The following ABCC1 variants were observed in gnomAD, a reference collection of about 807,000 sequenced individuals.
ABCC1 encodes ATP binding cassette subfamily C member 1 (ABCC1 blood group).
ABCC1 carries 83 observed loss-of-function variants against 172.9 expected under a neutral mutation model. The observed-to-expected ratio is 0.48, with a 90% CI of 0.40 to 0.58. The LOEUF (loss-of-function observed/expected upper bound fraction) is 0.58, where lower values mean the gene tolerates loss of function less well. Among genes scored for constraint, ABCC1 ranks in the 20% least tolerant of loss-of-function variants. The pLI is 0.00. For missense variants in ABCC1, 1,817 were observed against 2,002.7 expected, an observed-to-expected ratio of 0.91 and a Z score of 1.77; for synonymous variants, 937 against 825.2, an observed-to-expected ratio of 1.14 and a Z score of -2.32.
chr16:15,962,746 A>G (rs544159760), intron 1 of ABCC1, among the ~76,000 whole-genome samples: 1 of 152,300 alleles, frequency 6.6e-6, no homozygotes, highest in South Asian at 2.1e-4. Flanking sequence ...CCATGATCTA[A>G]TCACCTCCAG....
chr16:16,003,948 G>GGGGGT (rs1437364504), intron 1 of ABCC1, among the ~76,000 whole-genome samples: 1 of 150,516 alleles, frequency 6.6e-6, no homozygotes, highest in Non-Finnish European at 1.5e-5. Flanking sequence ...ATTGGTTGGG[G>GGGGGT]GGGGTGGATG....
chr16:16,008,008 G>C lies in ABCC1; in HGVS notation c.225+16G>C. On this transcript the variant is annotated intron_variant, in intron 2 of 30. Coordinates refer to ENST00000399410, the MANE Select transcript of ABCC1 (RefSeq NM_004996.4). ...AACCAAAACTGTAAGTCACTGGGGG[G>C]TTTCGTTGTGGGGGGTGGGAAGGTG... 9.1e-6 allele frequency: 5 copies of C among 547,230 alleles called. No homozygotes were observed. Among genetic ancestry groups the C allele is most frequent in the Non-Finnish European group, 1.6e-5 (5 of 314,694 alleles). 33.9% of individuals were successfully genotyped at this position (547,230 alleles called of 1,614,324 possible).
chr16:16,122,191 T>C lies in ABCC1; in HGVS notation c.3590+17T>C, dbSNP rs965354435. 3 of 1,613,536 alleles carry C rather than the reference T, an allele frequency of 1.9e-6. No individual in the cohort carries two copies. Among genetic ancestry groups the C allele is most frequent in the Admixed American group, 1.7e-5 (1 of 59,988 alleles). On this transcript the variant is annotated intron_variant, in intron 24 of 30. Transcript: ENST00000399410. ...GGCCAACAGGTGGGCATGGTGGGCCTGCAGGAGCGGGTGGAGGAGGCCGCC... is the reference window on the plus strand; with the variant it reads ...GGCCAACAGGTGGGCATGGTGGGCCCGCAGGAGCGGGTGGAGGAGGCCGCC...
intron 7 of ABCC1, among the ~76,000 whole-genome samples, chr16:16,041,565 C>T (rs986351301): frequency 6.6e-6 from 1 of 152,074 alleles, no homozygotes; most frequent in Admixed American, 6.6e-5. Context: ...CACCTGTAAC[C>T]CCTGTGAACC....
intron 29 of ABCC1, among the ~76,000 whole-genome samples, chr16:16,137,709 T>C (rs907797910): frequency 6.6e-6 from 1 of 151,864 alleles, no homozygotes; most frequent in Non-Finnish European, 1.5e-5. Context: ...CCTGTCACCA[T>C]GCCCAGTTAA....
At chr16:16,119,248 C>G (rs2045044877) in intron 23 of ABCC1, among the ~76,000 whole-genome samples, 2 of 152,102 alleles carry the variant, frequency 1.3e-5, no homozygotes, top group Admixed American at 1.3e-4. Flanking sequence ...CGAGACCAGC[C>G]TGAGCAACAT....
chr16:15,998,009 A>G (rs187759064), intron 1 of ABCC1, among the ~76,000 whole-genome samples: 12 of 150,678 alleles, frequency 8.0e-5, no homozygotes, highest in African/African-American at 2.4e-4. Flanking sequence ...TTCAGTAGAG[A>G]TGGGGTTTCA....
At chr16:16,044,760 G>C in intron 8 of ABCC1, 80 bp downstream of exon 8, 1 of 1,346,936 alleles carries the variant, frequency 7.4e-7, no homozygotes, top group Non-Finnish European at 1.1e-6. Flanking sequence ...CATAACCCTG[G>C]GGTCATGCTG....
At chr16:16,052,953 T>C in intron 11 of ABCC1, 137 bp downstream of exon 11, 1 of 732,766 alleles carries the variant, frequency 1.4e-6, no homozygotes, top group Non-Finnish European at 2.3e-6. Context: ...TTGGGGAGCC[T>C]TAACAAATGC....
intron 16 of ABCC1, 131 bp downstream of exon 16, chr16:16,079,609 T>C: frequency 8.7e-7 from 1 of 1,153,458 alleles, no homozygotes; most frequent in Non-Finnish European, 1.2e-6. Context: ...TTCCTCCTCC[T>C]CCTGTATCTT....
chr16:15,995,820 A>C (rs1281264968), intron 1 of ABCC1, among the ~76,000 whole-genome samples: 1 of 151,922 alleles, frequency 6.6e-6, no homozygotes, highest in African/African-American at 2.4e-5. Flanking sequence ...GGCAAACGTC[A>C]TCACATCTGG....
chr16:15,959,397 C>G (rs1369258314), intron 1 of ABCC1, among the ~76,000 whole-genome samples: 2 of 152,180 alleles, frequency 1.3e-5, no homozygotes. Flanking sequence ...ACAATCATAG[C>G]TCACTGCAGC....
intron 17 of ABCC1, among the ~76,000 whole-genome samples, chr16:16,084,730 C>T (rs1478651898): frequency 6.6e-6 from 1 of 151,492 alleles, no homozygotes; most frequent in Non-Finnish European, 1.5e-5. Flanking sequence ...AAGTGATTCT[C>T]CTCCCTCAGC....
At chr16:16,127,203 T>C (rs555482058) in intron 26 of ABCC1, among the ~76,000 whole-genome samples, 1 of 152,252 alleles carries the variant, frequency 6.6e-6, no homozygotes, top group South Asian at 2.1e-4. Flanking sequence ...TATAGAGTAA[T>C]GCACTCAGTC....
intron 17 of ABCC1, 53 bp downstream of exon 17, chr16:16,083,595 C>G: frequency 6.3e-7 from 1 of 1,580,098 alleles, no homozygotes; most frequent in Non-Finnish European, 8.7e-7. Context: ...TGCCGCGTAA[C>G]AAATGCTCTC....
chr16:16,137,216 G>T (rs1246194089), intron 29 of ABCC1, among the ~76,000 whole-genome samples: 1 of 152,120 alleles, frequency 6.6e-6, no homozygotes, highest in Non-Finnish European at 1.5e-5. Flanking sequence ...AGTCAGCCAG[G>T]TGGCTCTGCT....
rs559869238 is a variant in ABCC1 at position 15,957,594 on chromosome 16, A to T, written c.48+7795A>T. On this transcript the variant is annotated intron_variant, in intron 1 of 30. Transcript: ENST00000399410. ...ATTATAGGAATGACTGTGATTTCCA[A>T]TTTTATTTATTTATTTATTTGAGAC... is the stretch of plus-strand genomic sequence containing the variant. Among the ~76,000 whole-genome samples the T allele has an allele frequency of 1.3e-4, 20 of 151,916 alleles. No individual in the cohort carries two copies. In the South Asian group the frequency reaches 3.1e-3, roughly 24 times the overall value.
chr16:16,040,075 T>C (rs1488326363), intron 7 of ABCC1, among the ~76,000 whole-genome samples: 1 of 145,570 alleles, frequency 6.9e-6, no homozygotes, highest in Admixed American at 6.8e-5. Flanking sequence ...TGTATGTATG[T>C]ATGTATGTAT....
At chr16:16,124,759 C>T in intron 24 of ABCC1, 30 bp from the exon 25 acceptor site, 1 of 1,613,730 alleles carries the variant, frequency 6.2e-7, no homozygotes, top group Non-Finnish European at 8.5e-7. Flanking sequence ...GACTCCATGC[C>T]TGTTTGTCTG....
Sources: allele counts gnomAD v4.1 joint callset (sites outside exome capture counted in the v4.1 genomes callset), GRCh38; gene constraint gnomAD v4.1.1; transcripts MANE v1.5; gene names NCBI Gene and HGNC (gene_info 2026-07-23, HGNC 2026-07-21).